Variants in TOPBP1 observed in about 807,000 individuals in gnomAD.
TOPBP1 encodes DNA topoisomerase 2-binding protein 1.
TOPBP1 carries 28 observed loss-of-function variants against 167.7 expected under a neutral mutation model. The observed-to-expected ratio is 0.17, with a 90% CI of 0.12 to 0.23. TOPBP1 has a LOEUF of 0.23. TOPBP1 is among the 10% of genes least tolerant of loss of function. The pLI is 1.00. For synonymous variants in TOPBP1, 598 were observed against 611.4 expected (o/e 0.98, Z 0.32); for missense variants, 1,554 against 1,809.6 (o/e 0.86, Z 2.56).
At chr3:133,617,507 G>T in intron 21 of TOPBP1, 181 bp from the exon 22 acceptor site, 2 of 513,312 alleles carry the variant, frequency 3.9e-6, no homozygotes, top group Non-Finnish European at 6.3e-6. Flanking sequence ...CCATCTGCAT[G>T]TGACAATAAT....
At chr3:133,623,935 A>G in intron 17 of TOPBP1, 117 bp downstream of exon 17, 5 of 1,262,642 alleles carry the variant, frequency 4.0e-6, no homozygotes, top group Non-Finnish European at 4.2e-6. Flanking sequence ...GTTAACCAAG[A>G]CTATTAAACT....
chr3:133,633,910 C>T (rs2107801411), intron 14 of TOPBP1, among the ~76,000 whole-genome samples: 1 of 152,332 alleles, frequency 6.6e-6, no homozygotes, highest in South Asian at 2.1e-4. Context: ...ATTTTTATCT[C>T]CAGCCCAAAC....
intron 10 of TOPBP1, among the ~76,000 whole-genome samples, chr3:133,644,823 A>G (rs1161780496): frequency 2.6e-5 from 4 of 152,152 alleles, no homozygotes; most frequent in Non-Finnish European, 5.9e-5. Context: ...TTTATTGTCT[A>G]CTCCTTTAGA....
intron 14 of TOPBP1, among the ~76,000 whole-genome samples, chr3:133,629,433 G>A (rs1299870124): frequency 1.3e-5 from 2 of 152,152 alleles, no homozygotes; most frequent in Non-Finnish European, 2.9e-5. Flanking sequence ...TAAGCAAAAT[G>A]TATCTACCAG....
At chr3:133,636,880 T>TTG (rs1935696005) in intron 14 of TOPBP1, among the ~76,000 whole-genome samples, 5 of 152,182 alleles carry the variant, frequency 3.3e-5, no homozygotes, top group African/African-American at 1.2e-4. Flanking sequence ...ACCTGAGTAT[T>TTG]AATCACAGTA....
chr3:133,629,736 ACT>A (rs1935399801), intron 14 of TOPBP1, among the ~76,000 whole-genome samples: 1 of 151,812 alleles, frequency 6.6e-6, no homozygotes. Context: ...TTAATTTTCT[ACT>A]CTTTTATACT....
chr3:133,652,949 C>T (rs761025647), intron 7 of TOPBP1, among the ~76,000 whole-genome samples: 4 of 152,180 alleles, frequency 2.6e-5, no homozygotes, highest in Non-Finnish European at 4.4e-5. Context: ...GCCAACACGA[C>T]ACCTACAAAA....
At chr3:133,636,293 C>T (rs1340423348) in intron 14 of TOPBP1, among the ~76,000 whole-genome samples, 1 of 151,838 alleles carries the variant, frequency 6.6e-6, no homozygotes, top group Non-Finnish European at 1.5e-5. Flanking sequence ...TTGAGGGGGG[C>T]AAGGGTGAGG....
rs1323744018 is a variant in TOPBP1, at chr3:133,638,069, G to A, written c.2327C>T (p.Thr776Ile). 6.2e-7 allele frequency: 1 copy of A among 1,613,942 alleles called. No individual in the cohort carries two copies. Among genetic ancestry groups the A allele is most frequent in the African/African-American group, 1.3e-5 (1 of 75,022 alleles). Residue 776 changes from threonine to isoleucine, a missense_variant, in exon 14 of 28, where the codon ACC (threonine) becomes ATC (isoleucine). Physicochemically the swap from Thr to Ile is moderately conservative, Grantham distance 89 (BLOSUM62 -1). Coordinates refer to ENST00000260810, the MANE Select transcript of TOPBP1 (RefSeq NM_007027.4). Reference protein sequence around the residue: ...PGTRLQTHRKTVVTPLDMNRF... With the variant: ...PGTRLQTHRKIVVTPLDMNRF... ...GTTCATATCTAAAGGTGTAACGACG[G>A]TTTTTCTGTGAGTTTGCAGGCGTGT...
At chr3:133,643,941 T>C in intron 11 of TOPBP1, 79 bp downstream of exon 11, 4 of 1,372,598 alleles carry the variant, frequency 2.9e-6, no homozygotes, top group African/African-American at 1.5e-5. Context: ...GTAACTGAAC[T>C]GTCTAAGAAA....
Position 133,659,046 on chromosome 3 carries a change from A to G in TOPBP1, c.189T>C (p.Phe63=). The change falls in exon 3 of 28, where the codon TTT becomes TTC. Residue 63 remains phenylalanine (F), a synonymous_variant. Coordinates refer to ENST00000260810, the MANE Select transcript of TOPBP1 (RefSeq NM_007027.4). ...NDRSLYICDP[F]SGVVFDHLKK... is the part of the protein sequence containing the mutation. The stretch of plus-strand genomic sequence containing the variant: ...TGAGGTGATCAAAGACAACGCCACT[A>G]AAAGGGTCACAGATATAAAGTGATC... The G allele has an allele frequency of 6.2e-7, 1 of 1,600,628 alleles. No homozygotes were observed. Among genetic ancestry groups the G allele is most frequent in the Non-Finnish European group, 8.5e-7 (1 of 1,173,392 alleles).
intron 19 of TOPBP1, among the ~76,000 whole-genome samples, chr3:133,622,658 G>C: frequency 6.6e-6 from 1 of 152,032 alleles, no homozygotes; most frequent in South Asian, 2.1e-4. Context: ...AAACCATGTG[G>C]ATATGTTAAA....
rs1268297879 is a variant in TOPBP1, at chr3:133,600,776, C to A, written c.*474G>T. On this transcript the variant is annotated 3_prime_UTR_variant, in exon 28 of 28. Coordinates refer to ENST00000260810, the MANE Select transcript of TOPBP1 (RefSeq NM_007027.4). ...TATACACACATATTTATAGCCCCAG[C>A]TTCCTCATTAAACCTTGTGCTCAGG... is the stretch of plus-strand genomic sequence containing the variant. 3 of 156,872 alleles carry A rather than the reference C, an allele frequency of 1.9e-5. No homozygotes were observed. Among genetic ancestry groups the A allele is most frequent in the Non-Finnish European group, 4.2e-5 (3 of 71,376 alleles). The allele number at this position is 156,872 out of a possible 1,614,324, so 9.7% of individuals were successfully genotyped here. A position where few individuals can be genotyped will look rare whatever the true frequency, so the allele number is the denominator to read the frequency against.
intron 24 of TOPBP1, 134 bp downstream of exon 24, chr3:133,612,255 G>C (rs1331318382): frequency 1.1e-6 from 1 of 925,924 alleles, no homozygotes; most frequent in Non-Finnish European, 1.6e-6. Context: ...GGCCAGGCAT[G>C]TCTCGAACTC....
At chr3:133,613,965 G>A (rs868261729) in intron 23 of TOPBP1, among the ~76,000 whole-genome samples, 6 of 151,948 alleles carry the variant, frequency 3.9e-5, no homozygotes, top group African/African-American at 1.4e-4. Flanking sequence ...GCTAATTTTT[G>A]TATTTTTAGT....
intron 23 of TOPBP1, among the ~76,000 whole-genome samples, chr3:133,614,951 A>G (rs1464514201): frequency 1.3e-5 from 2 of 151,980 alleles, no homozygotes; most frequent in Non-Finnish European, 2.9e-5. Flanking sequence ...GGTTGTGCAC[A>G]TGTACCTTAG....
intron 7 of TOPBP1, among the ~76,000 whole-genome samples, 164 bp downstream of exon 7, chr3:133,653,181 C>G (rs950205829): frequency 2.0e-5 from 3 of 152,156 alleles, no homozygotes; most frequent in South Asian, 4.1e-4. Context: ...ACGAACAGTT[C>G]AGTGCTAACT....
chr3:133,645,896 C>A (rs918492890), intron 10 of TOPBP1, among the ~76,000 whole-genome samples: 1 of 152,130 alleles, frequency 6.6e-6, no homozygotes, highest in East Asian at 1.9e-4. Flanking sequence ...TGCCTGTAAT[C>A]CCAGCACTTT....
At chr3:133,659,719 C>T (rs187698260) in intron 2 of TOPBP1, among the ~76,000 whole-genome samples, 1 of 152,038 alleles carries the variant, frequency 6.6e-6, no homozygotes, top group African/African-American at 2.4e-5. Flanking sequence ...TCTCAAATAC[C>T]CTTCCTCTAC....
Sources: gnomAD v4.1 joint callset for allele counts (sites outside exome capture counted in the v4.1 genomes callset) on GRCh38, gnomAD v4.1.1 for gene constraint, MANE v1.5 for transcripts, NCBI Gene and HGNC (gene_info 2026-07-23, HGNC 2026-07-21) for gene names.